Variants in MPZL1 observed in about 807,000 individuals in gnomAD.
MPZL1 encodes myelin protein zero like 1.
Under a neutral mutation model 29.3 loss-of-function variants are expected in MPZL1, and 16 were observed. The ratio of observed to expected loss-of-function variants is 0.55; its 90% CI spans 0.37 to 0.83. The LOEUF (loss-of-function observed/expected upper bound fraction) is 0.83. Ranked by LOEUF, MPZL1 falls within the 40% of genes least tolerant of loss-of-function variation. The pLI is 0.00. For synonymous variants in MPZL1, 143 were observed against 132.0 expected (o/e 1.08, Z -0.57); for missense variants, 279 against 332.9 (o/e 0.84, Z 1.26).
chr1:167,748,024 T>C (rs1223812251), intron 1 of MPZL1, among the ~76,000 whole-genome samples: 6 of 152,226 alleles, frequency 3.9e-5, no homozygotes, highest in Non-Finnish European at 7.4e-5. Context: ...GCATAACATT[T>C]TCAGTTTTCA....
At chr1:167,776,810 G>A (rs1661377789) in intron 5 of MPZL1, among the ~76,000 whole-genome samples, 1 of 152,270 alleles carries the variant, frequency 6.6e-6, no homozygotes, top group Middle Eastern at 3.4e-3. Context: ...GCTTAGTTCA[G>A]TTTGATTTTT....
At chr1:167,743,036 G>A (rs1366398361) in intron 1 of MPZL1, among the ~76,000 whole-genome samples, 1 of 151,952 alleles carries the variant, frequency 6.6e-6, no homozygotes, top group East Asian at 1.9e-4. Flanking sequence ...GATGACTGTG[G>A]CCTTATAGTA....
chr1:167,732,032 G>A (rs1464140278), intron 1 of MPZL1, among the ~76,000 whole-genome samples: 1 of 152,176 alleles, frequency 6.6e-6, no homozygotes, highest in Admixed American at 6.5e-5. Flanking sequence ...TATTTGGTAT[G>A]ACTAATTGTA....
At chr1:167,781,502 C>G (rs952154256) in intron 5 of MPZL1, among the ~76,000 whole-genome samples, 3 of 151,958 alleles carry the variant, frequency 2.0e-5, no homozygotes, top group African/African-American at 7.2e-5. Flanking sequence ...AACAAGAAGT[C>G]ACAAGAAAAA....
rs1661708946 is a variant in MPZL1, at chr1:167,791,267, C to G, written c.*3346C>G. ...AAAGGGAACAGCACCTGGCACTTAGCTGCTCAATACATGTTACGTGGATGG... is the reference window on the plus strand; with the variant it reads ...AAAGGGAACAGCACCTGGCACTTAGGTGCTCAATACATGTTACGTGGATGG... On this transcript the variant is annotated 3_prime_UTR_variant, in exon 6 of 6. Transcript: ENST00000359523. The G allele has an allele frequency of 6.6e-6, 1 of 152,260 alleles. No homozygotes were observed. Among genetic ancestry groups the G allele is most frequent in the Non-Finnish European group, 1.5e-5 (1 of 68,068 alleles). The allele number at this position is 152,260 out of a possible 1,614,324, so 9.4% of individuals were successfully genotyped here. A position where few individuals can be genotyped will look rare whatever the true frequency, so the allele number is the denominator to read the frequency against.
chr1:167,741,973 A>C (rs1357885568), intron 1 of MPZL1, among the ~76,000 whole-genome samples: 8 of 151,580 alleles, frequency 5.3e-5, no homozygotes, highest in African/African-American at 9.7e-5. Context: ...GTTGAGGGTG[A>C]AGTGAGCCAT....
chr1:167,777,995 A>G (rs1369745653), intron 5 of MPZL1, among the ~76,000 whole-genome samples: 1 of 152,214 alleles, frequency 6.6e-6, no homozygotes, highest in East Asian at 1.9e-4. Context: ...TCACCCAACA[A>G]TGTACAATTT....
chr1:167,784,424 T>C (rs921260036), intron 5 of MPZL1, among the ~76,000 whole-genome samples: 3 of 152,138 alleles, frequency 2.0e-5, no homozygotes, highest in African/African-American at 4.8e-5. Context: ...GCTAGGTTAA[T>C]GTAGGTTTTG....
Position 167,773,309 on chromosome 1 carries a change from C to T in MPZL1, c.546C>T (p.Leu182=). 6.2e-7 allele frequency: 1 copy of T among 1,613,842 alleles called. No individual in the cohort carries two copies. Among genetic ancestry groups the T allele is most frequent in the Non-Finnish European group, 8.5e-7 (1 of 1,179,758 alleles). Residue 182 remains leucine, a synonymous_variant, in exon 4 of 6, where the codon CTC becomes CTT. Transcript: ENST00000359523. ...VTAVVLGLTL[L]ISMILAVLYR... is the part of the protein sequence containing the mutation. ...CTGTGGTCCTAGGTCTCACTCTGCT[C>T]ATCAGCATGATTCTGGCTGTCCTCT...
intron 5 of MPZL1, among the ~76,000 whole-genome samples, chr1:167,777,013 G>A (rs1661383339): frequency 6.6e-6 from 1 of 152,200 alleles, no homozygotes; most frequent in African/African-American, 2.4e-5. Flanking sequence ...ATTACTAAAA[G>A]CACACACCCA....
At chr1:167,758,633 G>A (rs1349762864) in intron 1 of MPZL1, among the ~76,000 whole-genome samples, 1 of 152,044 alleles carries the variant, frequency 6.6e-6, no homozygotes, top group African/African-American at 2.4e-5. Context: ...CCCCTAGTCA[G>A]ATGATTCCAC....
chr1:167,736,227 T>C (rs751232305), intron 1 of MPZL1, among the ~76,000 whole-genome samples: 2 of 152,214 alleles, frequency 1.3e-5, no homozygotes, highest in Non-Finnish European at 2.9e-5. Context: ...CAGGTTCTGC[T>C]CTCAGCCCTT....
At position 167,790,615 on chromosome 1, in the gene MPZL1, G is replaced by T. The variant is rs185284937; in HGVS notation, c.*2694G>T. ...GCAGATCTGCCCTCTCCATGTCTTC[G>T]TCCTGGCAAACAGGGTCGTCTTAAA... On this transcript the variant is annotated 3_prime_UTR_variant, in exon 6 of 6. Transcript: ENST00000359523. 4 of 152,214 alleles carry T rather than the reference G, an allele frequency of 2.6e-5. No individual in the cohort carries two copies. In the East Asian group the frequency reaches 7.7e-4, roughly 29 times the overall value. The allele number at this position is 152,214 out of a possible 1,614,324, so 9.4% of individuals were successfully genotyped here. A position where few individuals can be genotyped will look rare whatever the true frequency, so the allele number is the denominator to read the frequency against.
chr1:167,741,568 G>C (rs1183647659), intron 1 of MPZL1, among the ~76,000 whole-genome samples: 3 of 148,458 alleles, frequency 2.0e-5, no homozygotes, highest in Non-Finnish European at 4.5e-5. Context: ...CAAGTGATCT[G>C]CTCGCCTCAG....
chr1:167,734,837 C>G (rs1660344284), intron 1 of MPZL1, among the ~76,000 whole-genome samples: 1 of 152,138 alleles, frequency 6.6e-6, no homozygotes. Context: ...GCAAAAAAGA[C>G]TCATAAGAAT....
intron 1 of MPZL1, 131 bp downstream of exon 1, chr1:167,722,373 C>T (rs1325984461): frequency 8.2e-7 from 1 of 1,222,074 alleles, no homozygotes; most frequent in East Asian, 3.2e-5. Context: ...GGCCTGCGCT[C>T]TCTGGGGCCG....
chr1:167,761,846 C>T (rs1395434898), intron 1 of MPZL1, among the ~76,000 whole-genome samples: 3 of 151,878 alleles, frequency 2.0e-5, no homozygotes, highest in African/African-American at 7.3e-5. Context: ...AGGTGAAGGC[C>T]CTGAAGGGAG....
intron 1 of MPZL1, among the ~76,000 whole-genome samples, chr1:167,726,499 C>T (rs1660148339): frequency 6.6e-6 from 1 of 152,156 alleles, no homozygotes; most frequent in Admixed American, 6.5e-5. Context: ...GAGGCATAGG[C>T]ATGTCTTGAC....
In MPZL1 at chr1:167,773,463, T is replaced by G. The variant is rs972089781; in HGVS notation, c.605+95T>G. The stretch of plus-strand genomic sequence containing the variant: ...TAATGAAAAAAGGATTTTAAAGAAT[T>G]AACTACTATTTTCTTTCATGTCAGA... On this transcript the variant is annotated intron_variant, in intron 4 of 5. Coordinates refer to ENST00000359523, the MANE Select transcript of MPZL1 (RefSeq NM_003953.6). The G allele has an allele frequency of 5.8e-6, 8 of 1,367,704 alleles. No individual in the cohort carries two copies. In the Admixed American group the frequency reaches 8.1e-5, roughly 14 times the overall value. 84.7% of individuals were successfully genotyped at this position (1,367,704 alleles called of 1,614,324 possible).
Sources: allele counts gnomAD v4.1 joint callset (sites outside exome capture counted in the v4.1 genomes callset), GRCh38; gene constraint gnomAD v4.1.1; transcripts MANE v1.5; gene names NCBI Gene and HGNC (gene_info 2026-07-23, HGNC 2026-07-21).